The following WHRN variants were observed in gnomAD, a reference collection of about 807,000 sequenced individuals.
The protein encoded by WHRN is whirlin, also known as CASK-interacting protein CIP98.
Under a neutral mutation model 68.3 loss-of-function variants are expected in WHRN, and 41 were observed. The observed-to-expected ratio is 0.60, with a 90% CI of 0.47 to 0.78. The LOEUF is 0.78. Among genes scored for constraint, WHRN ranks in the 30% least tolerant of loss-of-function variants. The pLI is 0.00. For missense variants in WHRN, 1,243 were observed against 1,244.7 expected (o/e 1.00, Z 0.02); for synonymous variants, 560 against 561.3 (o/e 1.00, Z 0.03).
At chr9:114,441,743 G>T (rs534433837) in intron 3 of WHRN, among the ~76,000 whole-genome samples, 1 of 152,232 alleles carries the variant, frequency 6.6e-6, no homozygotes, top group Non-Finnish European at 1.5e-5. Context: ...TAAATCACAG[G>T]ATAAAGCTCC....
At chr9:114,452,940 G>T (rs990666083) in intron 3 of WHRN, among the ~76,000 whole-genome samples, 2 of 152,136 alleles carry the variant, frequency 1.3e-5, no homozygotes, top group Non-Finnish European at 2.9e-5. Context: ...GTTTGGCTTT[G>T]TCTGCTGATT....
chr9:114,405,138 A>C (rs1478724700), intron 9 of WHRN, among the ~76,000 whole-genome samples: 1 of 139,176 alleles, frequency 7.2e-6, no homozygotes, highest in Non-Finnish European at 1.5e-5. Flanking sequence ...GCAGTGGTGC[A>C]ATCTTGGCTC....
At chr9:114,446,839 G>A (rs1024761413) in intron 3 of WHRN, among the ~76,000 whole-genome samples, 13 of 152,102 alleles carry the variant, frequency 8.5e-5, no homozygotes, top group East Asian at 5.8e-4. Flanking sequence ...CCCTAGGTGC[G>A]TCTAGCCAGC....
intron 5 of WHRN, 64 bp from the exon 6 acceptor site, chr9:114,424,610 A>G: frequency 1.3e-6 from 2 of 1,512,412 alleles, no homozygotes; most frequent in Non-Finnish European, 1.8e-6. Flanking sequence ...TGGCCATGCC[A>G]CTCCCCCTCT....
chr9:114,472,231 C>T lies in WHRN; in HGVS notation c.838-5839G>A, dbSNP rs116631026. On this transcript the variant is annotated intron_variant, in intron 2 of 11. Transcript: ENST00000362057. ...GACAGTCCGGCTGGAACCTCATATG[C>T]ACCTGGTCCCTCCTCTGCTCAAAGC... Among the ~76,000 whole-genome samples, 583 of 152,352 alleles carry T rather than the reference C, an allele frequency of 3.8e-3. 8 individuals are homozygous for T. The highest frequency in any genetic ancestry group is 0.013 in the African/African-American group (555 of 41,578).
chr9:114,423,863 G>A (rs967468253), intron 6 of WHRN, among the ~76,000 whole-genome samples: 3 of 152,102 alleles, frequency 2.0e-5, no homozygotes, highest in East Asian at 3.9e-4. Context: ...TATTTCCTCT[G>A]TTAAGTCTTC....
rs1347762645 is a variant in WHRN at position 114,424,327 on chromosome 9, G to A, written c.1416+7C>T. 1.2e-5 allele frequency: 19 copies of A among 1,612,178 alleles called. No individual in the cohort carries two copies. The highest frequency in any genetic ancestry group is 2.2e-5 in the East Asian group (1 of 44,882). ...TGAAGCCAGTTGGGAGGCAGGGCAC[G>A]GGTCACCTTGGCGTGGGTGTTGAGC... On this transcript the variant is annotated splice_region_variant and intron_variant, in intron 6 of 11. Transcript: ENST00000362057.
At chr9:114,485,291 CT>C (rs535532657) in intron 1 of WHRN, among the ~76,000 whole-genome samples, 20 of 152,364 alleles carry the variant, frequency 1.3e-4, no homozygotes, top group African/African-American at 4.8e-4. Flanking sequence ...CTAGCTGGGG[CT>C]TTGTGTGTTC....
chr9:114,448,890 G>A (rs948645406), intron 3 of WHRN, among the ~76,000 whole-genome samples: 1 of 152,170 alleles, frequency 6.6e-6, no homozygotes, highest in Non-Finnish European at 1.5e-5. Context: ...ACAGTACCTG[G>A]GAGCATAACT....
At chr9:114,491,770 C>T in intron 1 of WHRN, 1 of 271,920 alleles carries the variant, frequency 3.7e-6, no homozygotes. Flanking sequence ...AACCCTCCCG[C>T]CCTTTGCCTG....
At chr9:114,486,883 TTAGTGTG>T (rs1842518311) in intron 1 of WHRN, among the ~76,000 whole-genome samples, 1 of 20,160 alleles carries the variant, frequency 5.0e-5, no homozygotes, top group Non-Finnish European at 3.4e-4. Flanking sequence ...GATGATTAAA[TTAGTGTG>T]TGTGTGTGTG....
At chr9:114,405,854 G>A (rs1485052965) in intron 9 of WHRN, among the ~76,000 whole-genome samples, 1 of 152,206 alleles carries the variant, frequency 6.6e-6, no homozygotes, top group Non-Finnish European at 1.5e-5. Context: ...CTACCCCACA[G>A]CCCATGTCCT....
In WHRN at chr9:114,452,536, C is replaced by G. The variant is rs767600724; in HGVS notation, c.963+13731G>C. Among the ~76,000 whole-genome samples, 141 of 152,348 alleles carry G rather than the reference C, an allele frequency of 9.3e-4. 2 individuals carry two copies. The highest frequency in any genetic ancestry group is 1.0e-3 in the Non-Finnish European group (71 of 68,030). ...TTGACTCCAAAGCTCCTATCTTGAGCACTATCTCCTTTGCATCCTGGCCTG... is the reference window on the plus strand; with the variant it reads ...TTGACTCCAAAGCTCCTATCTTGAGGACTATCTCCTTTGCATCCTGGCCTG... On this transcript the variant is annotated intron_variant, in intron 3 of 11. Transcript: ENST00000362057.
At chr9:114,473,143 T>C (rs188567452) in intron 2 of WHRN, among the ~76,000 whole-genome samples, 21 of 152,070 alleles carry the variant, frequency 1.4e-4, no homozygotes, top group Admixed American at 3.3e-4. Flanking sequence ...CACTGCAGAG[T>C]AAGGGGCCGT....
In WHRN at chr9:114,504,526, G is replaced by A. The variant is rs780647070; in HGVS notation, c.276C>T (p.Pro92=). 1 of 1,610,226 alleles carries A rather than the reference G, an allele frequency of 6.2e-7. No homozygotes were observed. The highest frequency in any genetic ancestry group is 1.7e-5 in the Admixed American group (1 of 60,018). The change falls in exon 1 of 12, where the codon CCC becomes CCT. Residue 92 remains proline (P), a synonymous_variant. Coordinates refer to ENST00000362057, the MANE Select transcript of WHRN (RefSeq NM_015404.4). ...AGCGCGGGATGACCAGACGAAGCAT[G>A]GGCAGCAGGCGCCGCTTGACCGGAC... ...LDSPVKRRLL[P]MLRLVIPRSD...
chr9:114,419,398 GC>G (rs1234605539), intron 7 of WHRN, among the ~76,000 whole-genome samples: 1 of 152,242 alleles, frequency 6.6e-6, no homozygotes, highest in Non-Finnish European at 1.5e-5. Context: ...TAGGGTCTGT[GC>G]TGAGCACTAG....
chr9:114,456,439 A>C (rs1839805639), intron 3 of WHRN, among the ~76,000 whole-genome samples: 1 of 152,184 alleles, frequency 6.6e-6, no homozygotes. Context: ...GTAGCTGGGA[A>C]ACATTGGTTC....
intron 2 of WHRN, among the ~76,000 whole-genome samples, chr9:114,467,703 G>A (rs1030264228): frequency 2.0e-5 from 3 of 152,156 alleles, no homozygotes; most frequent in African/African-American, 7.2e-5. Context: ...TAATCCATGA[G>A]GGAAGCTGCA....
intron 5 of WHRN, 47 bp from the exon 6 acceptor site, chr9:114,424,593 A>G: frequency 1.3e-6 from 2 of 1,557,734 alleles, no homozygotes; most frequent in Non-Finnish European, 1.7e-6. Flanking sequence ...GCTGCTCTAG[A>G]GCTGAGTGGC....
Sources: allele counts gnomAD v4.1 joint callset (sites outside exome capture counted in the v4.1 genomes callset), GRCh38; gene constraint gnomAD v4.1.1; transcripts MANE v1.5; gene names NCBI Gene and HGNC (gene_info 2026-07-23, HGNC 2026-07-21).